The following MAGI3 variants were observed in gnomAD, a reference collection of about 807,000 sequenced individuals.
MAGI3 encodes membrane-associated guanylate kinase, WW and PDZ domain-containing protein 3.
A neutral mutation model predicts 121.8 loss-of-function variants in MAGI3; 43 were observed. That is an observed-to-expected ratio of 0.35 (90% CI 0.28 to 0.46). MAGI3 has a LOEUF of 0.46. Ranked by LOEUF, MAGI3 falls within the 20% of genes least tolerant of loss-of-function variation. The pLI, the probability that MAGI3 is intolerant of heterozygous loss-of-function variation, is 1.00. For missense variants in MAGI3, 1,547 were observed against 1,797.3 expected (o/e 0.86, Z 2.52); for synonymous variants, 553 against 639.3 (o/e 0.86, Z 2.04).
intron 1 of MAGI3, among the ~76,000 whole-genome samples, chr1:113,417,692 A>G (rs1238186993): frequency 1.3e-5 from 2 of 151,988 alleles, no homozygotes; most frequent in African/African-American, 4.8e-5. Context: ...CCTCCTGTAT[A>G]TGTTTCTTCC....
At chr1:113,580,708 G>A (rs750480758) in intron 3 of MAGI3, 47 bp downstream of exon 3, 10 of 1,501,214 alleles carry the variant, frequency 6.7e-6, no homozygotes, top group African/African-American at 5.7e-5. Context: ...CTATCTGAAC[G>A]ACTGGAATTA....
At chr1:113,556,639 C>G (rs1303098282) in intron 2 of MAGI3, among the ~76,000 whole-genome samples, 1 of 150,408 alleles carries the variant, frequency 6.6e-6, no homozygotes. Flanking sequence ...GCTCAACTTC[C>G]ATTTCTTCCA....
At chr1:113,458,696 T>G (rs1254375638) in intron 1 of MAGI3, among the ~76,000 whole-genome samples, 1 of 152,034 alleles carries the variant, frequency 6.6e-6, no homozygotes, top group Non-Finnish European at 1.5e-5. Context: ...AATTTTTTTA[T>G]TGTTTTGTGG....
chr1:113,466,496 C>T (rs188194049), intron 1 of MAGI3, among the ~76,000 whole-genome samples: 2 of 152,134 alleles, frequency 1.3e-5, no homozygotes, highest in Admixed American at 1.3e-4. Context: ...TAATGCTGGC[C>T]TCATAAAAGG....
intron 2 of MAGI3, among the ~76,000 whole-genome samples, chr1:113,557,445 G>C (rs1205267004): frequency 6.6e-6 from 1 of 152,228 alleles, no homozygotes; most frequent in Non-Finnish European, 1.5e-5. Flanking sequence ...GTTGAGGTGT[G>C]GCCAGACTGT....
intron 2 of MAGI3, among the ~76,000 whole-genome samples, chr1:113,557,728 A>C (rs1223664286): frequency 6.6e-6 from 1 of 152,208 alleles, no homozygotes; most frequent in Non-Finnish European, 1.5e-5. Flanking sequence ...ACCAAAAAGC[A>C]GCCACACTGA....
intron 8 of MAGI3, among the ~76,000 whole-genome samples, chr1:113,621,687 C>A (rs1251415985): frequency 6.6e-6 from 1 of 151,316 alleles, no homozygotes; most frequent in Non-Finnish European, 1.5e-5. Flanking sequence ...CCATACAGTG[C>A]CATATTATTT....
At chr1:113,582,452 C>G (rs962380916) in intron 3 of MAGI3, among the ~76,000 whole-genome samples, 1 of 106,822 alleles carries the variant, frequency 9.4e-6, no homozygotes, top group Admixed American at 8.9e-5. Flanking sequence ...GTTCAATGTA[C>G]TGGATTTATA....
rs183455855 is a variant in MAGI3 at position 113,571,257 on chromosome 1, G to A, written c.434-9285G>A. 5.9e-5 allele frequency among the ~76,000 whole-genome samples: 9 copies of A among 152,012 alleles called. No individual in the cohort carries two copies. The East Asian group carries it at 1.4e-3, about 23-fold the overall frequency. The stretch of plus-strand genomic sequence containing the variant: ...GTTCCATTCCATTGTTCTATGTATC[G>A]GTTTTGGTACCAATACCATATTGTT... On this transcript the variant is annotated intron_variant, in intron 2 of 20. Coordinates refer to ENST00000307546, the MANE Select transcript of MAGI3 (RefSeq NM_001142782.2).
intron 6 of MAGI3, among the ~76,000 whole-genome samples, chr1:113,596,291 T>TA (rs949524133): frequency 1.3e-5 from 2 of 152,126 alleles, no homozygotes; most frequent in Non-Finnish European, 2.9e-5. Flanking sequence ...TGCCAACTGA[T>TA]ATGGAAAAAT....
intron 9 of MAGI3, among the ~76,000 whole-genome samples, chr1:113,629,983 C>A (rs1318385965): frequency 6.6e-6 from 1 of 151,996 alleles, no homozygotes. Flanking sequence ...GGCCCTGGAG[C>A]CCTATGATCA....
chr1:113,504,510 A>G (rs374476898), intron 1 of MAGI3, among the ~76,000 whole-genome samples: 1 of 152,266 alleles, frequency 6.6e-6, no homozygotes, highest in African/African-American at 2.4e-5. Flanking sequence ...ACACCAAACT[A>G]TCATTTTACA....
At chr1:113,656,622 G>A (rs1294144352) in intron 15 of MAGI3, among the ~76,000 whole-genome samples, 1 of 151,958 alleles carries the variant, frequency 6.6e-6, no homozygotes, top group Non-Finnish European at 1.5e-5. Flanking sequence ...TTGCCATGTT[G>A]GCCAGGCTGG....
At chr1:113,539,349 C>T (rs866777334) in intron 1 of MAGI3, among the ~76,000 whole-genome samples, 40 of 149,948 alleles carry the variant, frequency 2.7e-4, no homozygotes, top group African/African-American at 9.3e-4. Flanking sequence ...GCCAAGATCA[C>T]GCCACTGCAC....
intron 1 of MAGI3, among the ~76,000 whole-genome samples, chr1:113,523,631 G>A (rs1658310527): frequency 6.6e-6 from 1 of 152,172 alleles, no homozygotes; most frequent in Non-Finnish European, 1.5e-5. Flanking sequence ...TGTATCTGGT[G>A]GAAGAAATCT....
intron 1 of MAGI3, among the ~76,000 whole-genome samples, chr1:113,467,636 G>A (rs995866145): frequency 1.3e-5 from 2 of 152,068 alleles, no homozygotes; most frequent in African/African-American, 4.8e-5. Flanking sequence ...GGGTTCGAGT[G>A]ATCCTCCTGC....
chr1:113,590,727 C>T, intron 5 of MAGI3, 69 bp downstream of exon 5: 3 of 1,439,610 alleles, frequency 2.1e-6, no homozygotes, highest in Non-Finnish European at 2.8e-6. Context: ...TTTTTTTAAA[C>T]CTCATTTTAG....
intron 20 of MAGI3, chr1:113,682,221 C>T: frequency 6.2e-7 from 1 of 1,608,188 alleles, no homozygotes; most frequent in Non-Finnish European, 8.5e-7. Flanking sequence ...GGTTTGGCTC[C>T]TTCCGGTCTG....
At chr1:113,678,319 T>C (rs918555177) in intron 19 of MAGI3, among the ~76,000 whole-genome samples, 1 of 152,236 alleles carries the variant, frequency 6.6e-6, no homozygotes, top group Non-Finnish European at 1.5e-5. Context: ...CTACATTGCC[T>C]CATGAAAATG....
Sources: gnomAD v4.1 joint callset for allele counts (sites outside exome capture counted in the v4.1 genomes callset) on GRCh38, gnomAD v4.1.1 for gene constraint, MANE v1.5 for transcripts, NCBI Gene and HGNC (gene_info 2026-07-23, HGNC 2026-07-21) for gene names.